EMC3: variants seen among roughly 807,000 people sequenced by gnomAD.
The protein encoded by EMC3 is 30 kDa protein.
Under a neutral mutation model 36.6 loss-of-function variants are expected in EMC3, and 13 were observed. That is an observed-to-expected ratio of 0.35 (90% CI 0.23 to 0.56). EMC3 has a LOEUF of 0.56. Among genes scored for constraint, EMC3 ranks in the 20% least tolerant of loss-of-function variants. The pLI is 0.84. For synonymous variants in EMC3, 120 were observed against 111.9 expected (o/e 1.07, Z -0.46); for missense variants, 220 against 324.5 (o/e 0.68, Z 2.47).
intron 1 of EMC3, among the ~76,000 whole-genome samples, chr3:9,985,067 T>C (rs1465891307): frequency 2.0e-5 from 3 of 152,246 alleles, no homozygotes; most frequent in East Asian, 1.9e-4. Context: ...AATGTTACAG[T>C]AGTGCTTCCT....
At chr3:10,005,932 T>G (rs929382428) in intron 1 of EMC3, among the ~76,000 whole-genome samples, 2 of 152,140 alleles carry the variant, frequency 1.3e-5, no homozygotes, top group African/African-American at 4.8e-5. Flanking sequence ...CCACCTTCCC[T>G]CTCTCACTGA....
At chr3:9,974,310 A>G in intron 4 of EMC3, 74 bp downstream of exon 4, 1 of 980,298 alleles carries the variant, frequency 1.0e-6, no homozygotes, top group Admixed American at 1.8e-5. Context: ...AAAACACAGG[A>G]CCTGTGATAT....
chr3:9,991,495 A>G (rs1235319544), upstream of EMC3, among the ~76,000 whole-genome samples: 1 of 152,122 alleles, frequency 6.6e-6, no homozygotes, highest in African/African-American at 2.4e-5. Flanking sequence ...CAAAAGCAGA[A>G]TCTTAACTAT....
At chr3:9,994,080 G>A in intron 1 of EMC3, 1 of 1,171,336 alleles carries the variant, frequency 8.5e-7, no homozygotes, top group South Asian at 1.2e-5. Flanking sequence ...GTTAAAATGA[G>A]AGTTGGGGAA....
rs575561697 is a variant in EMC3 at position 9,975,761 on chromosome 3, G to A, written c.307+1196C>T. Among the ~76,000 whole-genome samples the A allele has an allele frequency of 8.1e-5, 12 of 147,830 alleles. No individual in the cohort carries two copies. In the East Asian group the frequency reaches 1.2e-3, roughly 15 times the overall value. ...CGGGAGGCGGAGCCTGCAGTGAGCC[G>A]AGATCGCACCACTGCACTCCAGCCT... On this transcript the variant is annotated intron_variant, in intron 3 of 7. Transcript: ENST00000245046.
intron 2 of EMC3, 127 bp downstream of exon 2, chr3:9,977,262 A>G (rs1444110305): frequency 1.7e-5 from 16 of 927,096 alleles, no homozygotes; most frequent in Non-Finnish European, 2.6e-5. Context: ...AGCAAACACC[A>G]CCAGGCCACA....
intron 7 of EMC3, among the ~76,000 whole-genome samples, chr3:9,966,091 A>G (rs938868598): frequency 3.9e-5 from 6 of 152,210 alleles, no homozygotes; most frequent in Non-Finnish European, 7.3e-5. Flanking sequence ...AAAGGCAGAA[A>G]AACTGTTTTC....
At chr3:9,984,689 C>T (rs945067207) in intron 1 of EMC3, among the ~76,000 whole-genome samples, 4 of 152,234 alleles carry the variant, frequency 2.6e-5, no homozygotes, top group Non-Finnish European at 5.9e-5. Flanking sequence ...CCATGCCCGG[C>T]CAGTAAGCTG....
At chr3:9,970,888 A>T (rs753221946) in intron 5 of EMC3, among the ~76,000 whole-genome samples, 47 of 152,012 alleles carry the variant, frequency 3.1e-4, no homozygotes, top group Non-Finnish European at 6.5e-4. Flanking sequence ...TCTGAATTCC[A>T]TTCCCTAGAG....
At chr3:9,974,007 T>A (rs950636223) in intron 4 of EMC3, among the ~76,000 whole-genome samples, 9 of 152,150 alleles carry the variant, frequency 5.9e-5, no homozygotes, top group African/African-American at 2.2e-4. Context: ...TATATAAGCA[T>A]AGAATTATGT....
chr3:9,998,172 C>G (rs1427965673), intron 1 of EMC3, among the ~76,000 whole-genome samples: 2 of 151,780 alleles, frequency 1.3e-5, no homozygotes, highest in Non-Finnish European at 2.9e-5. Context: ...TGAGACCATC[C>G]TGGCTAACAT....
intron 1 of EMC3, among the ~76,000 whole-genome samples, chr3:10,010,698 TGAGGTGCTAG>T (rs1341273461): frequency 3.9e-5 from 6 of 152,196 alleles, no homozygotes; most frequent in Admixed American, 2.0e-4. Flanking sequence ...GGAAGGCCCC[TGAGGTGCTAG>T]GACTGGGAGC....
intron 5 of EMC3, 95 bp downstream of exon 5, chr3:9,973,533 C>T (rs536494527): frequency 9.8e-6 from 11 of 1,124,412 alleles, no homozygotes; most frequent in Non-Finnish European, 1.5e-5. Context: ...CTCTGTTGCC[C>T]AGGCTGGTCT....
At chr3:9,966,286 A>C (rs2124898259) in intron 7 of EMC3, among the ~76,000 whole-genome samples, 1 of 143,978 alleles carries the variant, frequency 6.9e-6, no homozygotes, top group Admixed American at 7.1e-5. Context: ...GCAGTGGCGC[A>C]ATCTCCGCTC....
upstream of EMC3, chr3:9,987,984 G>A (rs1240957448): frequency 2.2e-5 from 21 of 935,774 alleles, no homozygotes; most frequent in East Asian, 5.7e-4. Flanking sequence ...TCCAAGTAAA[G>A]TTAAAAAGTA....
In EMC3 at chr3:10,008,458, A is replaced by G. The variant is rs201768271; in HGVS notation, c.-242+2565T>C. On this transcript the variant is annotated intron_variant, in intron 1 of 8. Transcript: ENST00000470827. ...GGCTTGTTCATCTCCCTTTGCTGCC[A>G]GCAGCCTCCATATGGCAGACATTCT... 185 of 1,367,700 alleles carry G rather than the reference A, an allele frequency of 1.4e-4. 2 individuals carry two copies. The highest frequency in any genetic ancestry group is 6.5e-4 in the Admixed American group (34 of 52,582). The allele number at this position is 1,367,700 out of a possible 1,614,324, so 84.7% of individuals were successfully genotyped here.
At chr3:9,969,631 C>T in intron 7 of EMC3, 88 bp downstream of exon 7, 1 of 1,599,106 alleles carries the variant, frequency 6.3e-7, no homozygotes, top group African/African-American at 1.3e-5. Flanking sequence ...AACCACACAA[C>T]ACTCCCTTCA....
At chr3:9,998,323 G>A (rs977975883) in intron 1 of EMC3, among the ~76,000 whole-genome samples, 3 of 149,990 alleles carry the variant, frequency 2.0e-5, no homozygotes, top group South Asian at 2.1e-4. Context: ...CCGAGATTGC[G>A]CCACTGCACT....
rs1009979489 is a variant in EMC3 at position 9,963,133 on chromosome 3, G to C, written c.*936C>G. ...TTAAGTGATATAGAAGGTTTGCTGA[G>C]TCTGTCCTGACCCTGGGTATTCACT... On this transcript the variant is annotated 3_prime_UTR_variant, in exon 8 of 8. Coordinates refer to ENST00000245046, the MANE Select transcript of EMC3 (RefSeq NM_001394674.1). The C allele has an allele frequency of 1.3e-5, 2 of 152,164 alleles. No homozygotes were observed. Among genetic ancestry groups the C allele is most frequent in the Non-Finnish European group, 2.9e-5 (2 of 68,030 alleles). 9.4% of individuals were successfully genotyped at this position (152,164 alleles called of 1,614,324 possible).
Sources: gnomAD v4.1 joint callset for allele counts (sites outside exome capture counted in the v4.1 genomes callset) on GRCh38, gnomAD v4.1.1 for gene constraint, MANE v1.5 for transcripts, NCBI Gene and HGNC (gene_info 2026-07-23, HGNC 2026-07-21) for gene names.